SPMAP2: variants seen among roughly 807,000 people sequenced by gnomAD.
SPMAP2 encodes Theg homolog.
chr19:375,578 C>A, the SPMAP2 span: 1 of 1,383,268 alleles, frequency 7.2e-7, no homozygotes, highest in Non-Finnish European at 9.7e-7. Context: ...CTTTCGCCCG[C>A]CCAGGGGGCT....
At chr19:363,893 T>C in the SPMAP2 span, among the ~76,000 whole-genome samples, 1 of 151,880 alleles carries the variant, frequency 6.6e-6, no homozygotes, top group Admixed American at 6.6e-5. Flanking sequence ...GAGCACGATC[T>C]TTAGCTCACT....
chr19:375,846 A>AC, the SPMAP2 span: 14 of 1,599,106 alleles, frequency 8.8e-6, no homozygotes, highest in Non-Finnish European at 1.2e-5. Context: ...GGGGTCTGTG[A>AC]CCCGCCGGCT....
the SPMAP2 span, among the ~76,000 whole-genome samples, chr19:364,066 G>A: frequency 0.016 from 2,497 of 151,848 alleles, 62 homozygotes; most frequent in African/African-American, 0.055. Context: ...GGGCGCGGTG[G>A]CTCATGCCTG....
chr19:371,097 T>TA, the SPMAP2 span: 1 of 607,626 alleles, frequency 1.6e-6, no homozygotes, highest in Non-Finnish European at 2.8e-6. Flanking sequence ...AGCCGCCCTG[T>TA]GCAGCTTCTC....
chr19:374,006 CCCTT>C, the SPMAP2 span: 1 of 1,613,324 alleles, frequency 6.2e-7, no homozygotes, highest in African/African-American at 1.3e-5. Flanking sequence ...ACCACAGCGT[CCCTT>C]CCTGCGAGGA....
the SPMAP2 span, chr19:367,111 T>A: frequency 6.2e-7 from 1 of 1,612,420 alleles, no homozygotes; most frequent in African/African-American, 1.3e-5. Context: ...GTGGCTTGGG[T>A]TTTGGCACGG....
the SPMAP2 span, chr19:374,573 G>T: frequency 8.9e-7 from 1 of 1,127,912 alleles, no homozygotes; most frequent in Non-Finnish European, 1.2e-6. Context: ...TCTGAGGGAG[G>T]ACTTTGGCAC....
the SPMAP2 span, among the ~76,000 whole-genome samples, chr19:364,344 A>C: frequency 9.9e-5 from 15 of 151,052 alleles, no homozygotes; most frequent in South Asian, 2.1e-4. Flanking sequence ...CTCAAAAAAA[A>C]AAAAAAAAAA....
the SPMAP2 span, chr19:373,554 G>T: frequency 1.2e-6 from 2 of 1,610,722 alleles, no homozygotes; most frequent in Non-Finnish European, 1.7e-6. Context: ...GACGGCTCAG[G>T]GCAAGGGAGG....
At chr19:374,245 C>T in the SPMAP2 span, 1 of 1,602,336 alleles carries the variant, frequency 6.2e-7, no homozygotes, top group South Asian at 1.1e-5. Flanking sequence ...GGGAAGGGTG[C>T]AGAGAAAGCC....
At chr19:369,214 A>C in the SPMAP2 span, among the ~76,000 whole-genome samples, 1 of 152,158 alleles carries the variant, frequency 6.6e-6, no homozygotes, top group East Asian at 1.9e-4. Context: ...CAGTGAGGGG[A>C]ATAGAAGTTA....
At chr19:364,327 GC>G in the SPMAP2 span, among the ~76,000 whole-genome samples, 55 of 110,900 alleles carry the variant, frequency 5.0e-4, no homozygotes, top group Non-Finnish European at 3.8e-4. Flanking sequence ...ACAGAGCGAA[GC>G]TCTGTCTCAA....
At chr19:374,017 A>T in the SPMAP2 span, 1 of 1,612,832 alleles carries the variant, frequency 6.2e-7, no homozygotes, top group East Asian at 2.2e-5. Context: ...CCTTCCTGCG[A>T]GGAGACAGGG....
chr19:375,818 G>A, the SPMAP2 span: 1 of 1,607,918 alleles, frequency 6.2e-7, no homozygotes, highest in Non-Finnish European at 8.5e-7. Flanking sequence ...GCTCTGCATT[G>A]TCCAGGTCCT....
chr19:362,435 G>T, the SPMAP2 span: 2 of 1,591,776 alleles, frequency 1.3e-6, no homozygotes, highest in Non-Finnish European at 1.7e-6. Flanking sequence ...CCCTAGTGGG[G>T]GCAGAAGAGA....
At chr19:373,167 A>G in the SPMAP2 span, among the ~76,000 whole-genome samples, 1 of 152,200 alleles carries the variant, frequency 6.6e-6, no homozygotes, top group African/African-American at 2.4e-5. Context: ...GAAGGTATCT[A>G]TGATACCTCA....
chr19:364,090 C>G, the SPMAP2 span, among the ~76,000 whole-genome samples: 2 of 151,358 alleles, frequency 1.3e-5, no homozygotes, highest in African/African-American at 2.4e-5. Flanking sequence ...TCCCAGCACT[C>G]TGGGAGGCCG....
the SPMAP2 span, chr19:375,728 T>G: frequency 6.2e-7 from 1 of 1,608,772 alleles, no homozygotes; most frequent in Non-Finnish European, 8.5e-7. Context: ...AAAGTGCCTC[T>G]TTGGGATCCA....
At chr19:371,309 A>G in the SPMAP2 span, 1 of 1,481,302 alleles carries the variant, frequency 6.8e-7, no homozygotes, top group Non-Finnish European at 9.0e-7. Flanking sequence ...GGAATGGGCC[A>G]GACAGGAGTC....
Sources: allele counts gnomAD v4.1 joint callset (sites outside exome capture counted in the v4.1 genomes callset), GRCh38; gene constraint gnomAD v4.1.1; transcripts MANE v1.5; gene names NCBI Gene and HGNC (gene_info 2026-07-23, HGNC 2026-07-21).